The following BABAM2 variants were observed in gnomAD, a reference collection of about 807,000 sequenced individuals.
The protein encoded by BABAM2 is BRISC and BRCA1 A complex member 2.
A neutral mutation model predicts 54.7 loss-of-function variants in BABAM2; 31 were observed. The ratio of observed to expected loss-of-function variants is 0.57; its 90% CI spans 0.43 to 0.77. The LOEUF (loss-of-function observed/expected upper bound fraction) is 0.77. Among genes scored for constraint, BABAM2 ranks in the 30% least tolerant of loss-of-function variants. The pLI, the probability that BABAM2 is intolerant of heterozygous loss-of-function variation, is 0.00. For synonymous variants in BABAM2, 167 were observed against 162.9 expected, an observed-to-expected ratio of 1.03 and a Z score of -0.19; for missense variants, 364 against 455.8, an observed-to-expected ratio of 0.80 and a Z score of 1.83.
At chr2:27,953,491 T>G (rs1490773808) in intron 3 of BABAM2, among the ~76,000 whole-genome samples, 1 of 152,024 alleles carries the variant, frequency 6.6e-6, no homozygotes, top group Non-Finnish European at 1.5e-5. Context: ...AGAGTCTCTA[T>G]ATGTTGCCCA....
At chr2:28,103,833 A>G (rs980470568) in intron 6 of BABAM2, among the ~76,000 whole-genome samples, 1 of 152,218 alleles carries the variant, frequency 6.6e-6, no homozygotes, top group Non-Finnish European at 1.5e-5. Context: ...TTAGTTGTCC[A>G]GAACTCCTAA....
chr2:27,923,295 C>A (rs1224262623), intron 2 of BABAM2, among the ~76,000 whole-genome samples: 1 of 152,130 alleles, frequency 6.6e-6, no homozygotes, highest in Non-Finnish European at 1.5e-5. Context: ...TTTTCCTAGT[C>A]AAATAGAAAA....
chr2:27,962,920 C>T (rs1670575206), intron 3 of BABAM2, among the ~76,000 whole-genome samples: 1 of 152,158 alleles, frequency 6.6e-6, no homozygotes, highest in Admixed American at 6.5e-5. Flanking sequence ...TTACAGTGCT[C>T]ATTCAAAAAA....
At chr2:28,327,572 C>A in intron 11 of BABAM2, 1 of 1,136,864 alleles carries the variant, frequency 8.8e-7, no homozygotes. Context: ...TGATTTAATT[C>A]AACACATACT....
intron 6 of BABAM2, among the ~76,000 whole-genome samples, chr2:28,073,668 A>G (rs950730663): frequency 3.9e-5 from 6 of 152,200 alleles, no homozygotes; most frequent in Non-Finnish European, 8.8e-5. Flanking sequence ...CTGTTTTGGT[A>G]ATTTTCTTAA....
chr2:28,043,596 AC>A (rs966971535), intron 5 of BABAM2, among the ~76,000 whole-genome samples: 2 of 152,076 alleles, frequency 1.3e-5, no homozygotes, highest in Admixed American at 1.3e-4. Flanking sequence ...CTCTACACTT[AC>A]CCCTTTCAAA....
chr2:28,318,002 T>C (rs1272925074), intron 11 of BABAM2, among the ~76,000 whole-genome samples: 1 of 152,258 alleles, frequency 6.6e-6, no homozygotes, highest in East Asian at 1.9e-4. Flanking sequence ...AAACTGTGGA[T>C]AGATTTTAAC....
At chr2:28,328,942 G>A (rs767623941) in intron 11 of BABAM2, among the ~76,000 whole-genome samples, 5 of 152,144 alleles carry the variant, frequency 3.3e-5, no homozygotes, top group South Asian at 4.1e-4. Context: ...TTTGTCAGAC[G>A]TCTATTTTAT....
rs202064486 is a variant in BABAM2 at position 28,025,394 on chromosome 2, A to G, written c.469A>G (p.Ile157Val). The G allele has an allele frequency of 6.7e-5, 106 of 1,570,886 alleles. No individual in the cohort carries two copies. In the Middle Eastern group the frequency reaches 1.4e-3, roughly 20 times the overall value. ...EEPQYGENME[I>V]YAGKKNNWTG... The stretch of plus-strand genomic sequence containing the variant: ...GCCACAGTATGGAGAGAACATGGAA[A>G]TTTATGCTGGGAAAAAAAACAACTG... Residue 157 changes from isoleucine to valine, a missense_variant, in exon 5 of 12, where the codon ATT becomes GTT. Coordinates refer to ENST00000379624, the MANE Select transcript of BABAM2 (RefSeq NM_199191.3).
intron 10 of BABAM2, among the ~76,000 whole-genome samples, chr2:28,247,184 C>T (rs908045279): frequency 5.3e-5 from 8 of 152,296 alleles, no homozygotes; most frequent in East Asian, 1.9e-4. Flanking sequence ...TGTACTCCCC[C>T]GGCTGTTTGG....
chr2:27,954,994 A>G (rs1669986580), intron 3 of BABAM2, among the ~76,000 whole-genome samples: 1 of 152,322 alleles, frequency 6.6e-6, no homozygotes, highest in East Asian at 1.9e-4. Flanking sequence ...CTTTTAACAC[A>G]TGTGAGGAAA....
At chr2:28,020,818 A>G (rs181400403) in intron 4 of BABAM2, among the ~76,000 whole-genome samples, 1 of 152,266 alleles carries the variant, frequency 6.6e-6, no homozygotes, top group Non-Finnish European at 1.5e-5. Context: ...ATGATATTAC[A>G]AATGACTCTA....
intron 7 of BABAM2, among the ~76,000 whole-genome samples, chr2:28,234,032 C>T (rs188240424): frequency 6.6e-6 from 1 of 152,232 alleles, no homozygotes; most frequent in Non-Finnish European, 1.5e-5. Context: ...TCTTCCCATC[C>T]CTGTAGTCTT....
intron 6 of BABAM2, among the ~76,000 whole-genome samples, chr2:28,123,608 A>G (rs1025882268): frequency 1.3e-5 from 2 of 152,192 alleles, no homozygotes; most frequent in Admixed American, 1.3e-4. Flanking sequence ...AATTTCCCAG[A>G]TGGGAGGGAA....
intron 10 of BABAM2, among the ~76,000 whole-genome samples, chr2:28,269,657 G>C (rs1685257576): frequency 6.6e-6 from 1 of 152,120 alleles, no homozygotes; most frequent in South Asian, 2.1e-4. Flanking sequence ...GGCCACTCCT[G>C]TTTGAATGTT....
intron 7 of BABAM2, among the ~76,000 whole-genome samples, chr2:28,154,572 A>C (rs1482662339): frequency 1.3e-5 from 2 of 152,200 alleles, no homozygotes; most frequent in East Asian, 3.8e-4. Context: ...ATTTCTGTGT[A>C]TGAAATCTTA....
intron 10 of BABAM2, among the ~76,000 whole-genome samples, chr2:28,265,831 T>G (rs1015779712): frequency 1.3e-5 from 2 of 152,198 alleles, no homozygotes; most frequent in Non-Finnish European, 2.9e-5. Context: ...CTGCAATATA[T>G]TCACCTAATT....
chr2:27,921,681 A>G (rs1427811874), intron 2 of BABAM2, among the ~76,000 whole-genome samples: 4 of 152,214 alleles, frequency 2.6e-5, no homozygotes, highest in Non-Finnish European at 4.4e-5. Context: ...ATAGTTTAAT[A>G]TAATTAAAGA....
intron 9 of BABAM2, among the ~76,000 whole-genome samples, chr2:28,243,195 G>A: frequency 6.6e-6 from 1 of 152,072 alleles, no homozygotes; most frequent in East Asian, 1.9e-4. Flanking sequence ...TGCAGGATCT[G>A]AAAAGTATTG....
Sources: allele counts gnomAD v4.1 joint callset (sites outside exome capture counted in the v4.1 genomes callset), GRCh38; gene constraint gnomAD v4.1.1; transcripts MANE v1.5; gene names NCBI Gene and HGNC (gene_info 2026-07-23, HGNC 2026-07-21).